The following SGK1 variants were observed in gnomAD, a reference collection of about 807,000 sequenced individuals.
SGK1 encodes the protein serine/threonine-protein kinase Sgk1.
Under a neutral mutation model 64.2 loss-of-function variants are expected in SGK1, and 26 were observed. The observed-to-expected ratio is 0.40, with a 90% CI of 0.30 to 0.56. SGK1 has a LOEUF of 0.56. Ranked by LOEUF, SGK1 falls within the 20% of genes least tolerant of loss-of-function variation. The probability of loss-of-function intolerance (pLI) is 0.38; values close to 1 mark genes in which losing one functional copy is unlikely to be tolerated. For synonymous variants in SGK1, 265 were observed against 239.7 expected (o/e 1.11, Z -0.98); for missense variants, 519 against 645.6 (o/e 0.80, Z 2.12).
At chr6:134,223,037 C>T (rs955292610) in intron 2 of SGK1, among the ~76,000 whole-genome samples, 15 of 152,222 alleles carry the variant, frequency 9.9e-5, no homozygotes, top group African/African-American at 3.6e-4. Context: ...CAGGCAAGAA[C>T]CCAAATATAG....
At chr6:134,198,724 C>CAATTTT (rs1775633140) in intron 3 of SGK1, among the ~76,000 whole-genome samples, 1 of 65,950 alleles carries the variant, frequency 1.5e-5, no homozygotes, top group East Asian at 2.9e-4. Flanking sequence ...TTCTCTTTTT[C>CAATTTT]TATTTTTTTT....
At chr6:134,196,605 G>A (rs1035475865) in intron 3 of SGK1, among the ~76,000 whole-genome samples, 6 of 152,152 alleles carry the variant, frequency 3.9e-5, no homozygotes, top group Non-Finnish European at 5.9e-5. Flanking sequence ...GTACACTACC[G>A]GGCAGTTTCC....
chr6:134,266,590 TG>T lies in SGK1; in HGVS notation c.70-4443del, dbSNP rs199769015. ...GAGATCATGGCACTGCATTCCAGCCTGGGTGAAAGAAGGAGACTCTGTCTCA... is the reference window on the plus strand; with the variant it reads ...GAGATCATGGCACTGCATTCCAGCCTGGTGAAAGAAGGAGACTCTGTCTCA... On this transcript the variant is annotated intron_variant, in intron 1 of 13. Coordinates refer to ENST00000367858, the MANE Select transcript of SGK1 (RefSeq NM_001143676.3). 8.7e-3 allele frequency among the ~76,000 whole-genome samples: 1,319 copies of T among 152,210 alleles called. 11 individuals are homozygous for T. The highest frequency in any genetic ancestry group is 0.014 in the Admixed American group (213 of 15,284).
chr6:134,262,541 A>G (rs896534168), intron 1 of SGK1, among the ~76,000 whole-genome samples: 2 of 151,206 alleles, frequency 1.3e-5, no homozygotes, highest in African/African-American at 4.9e-5. Context: ...ATGAAACCCC[A>G]TCTCTACTAA....
At chr6:134,274,920 CTCA>C (rs1289014745) in intron 1 of SGK1, among the ~76,000 whole-genome samples, 1 of 152,102 alleles carries the variant, frequency 6.6e-6, no homozygotes, top group Non-Finnish European at 1.5e-5. Context: ...AATCTTTCAC[CTCA>C]GCCTCCAAGT....
chr6:134,264,067 G>A (rs1449642204), intron 1 of SGK1, among the ~76,000 whole-genome samples: 2 of 151,842 alleles, frequency 1.3e-5, no homozygotes, highest in African/African-American at 2.4e-5. Context: ...GAGTAAAGGC[G>A]GGATCCAGGC....
In SGK1 at chr6:134,207,608, T is replaced by C. The variant is rs565756661; in HGVS notation, c.286-177A>G. The stretch of plus-strand genomic sequence containing the variant: ...GCTGGGTATAGCACTGAAAGTCCCA[T>C]ATCCTGGGAAGCCTTTTAGTCCTGG... On this transcript the variant is annotated intron_variant, in intron 2 of 13. Transcript: ENST00000367858. Among the ~76,000 whole-genome samples the C allele has an allele frequency of 3.0e-4, 45 of 152,302 alleles. No individual in the cohort carries two copies. In the South Asian group the frequency reaches 8.7e-3, roughly 29 times the overall value.
rs1775024511 is a variant in SGK1 at position 134,171,495 on chromosome 6, A to G, written c.1167+142T>C. The G allele has an allele frequency of 4.7e-6, 3 of 637,212 alleles. No homozygotes were observed. In the Admixed American group the frequency reaches 8.7e-5, roughly 19 times the overall value. 39.5% of individuals were successfully genotyped at this position (637,212 alleles called of 1,614,324 possible). A position where few individuals can be genotyped will look rare whatever the true frequency, so the allele number is the denominator to read the frequency against. Reference sequence around the variant, plus strand: ...ACCAGGTAAGTGATTATTCTTATGAACTATAAAATAACCAATATGCCTCTT... The same window carrying G: ...ACCAGGTAAGTGATTATTCTTATGAGCTATAAAATAACCAATATGCCTCTT... On this transcript the variant is annotated intron_variant, in intron 11 of 13. Coordinates refer to ENST00000367858, the MANE Select transcript of SGK1 (RefSeq NM_001143676.3).
At chr6:134,211,779 C>G (rs1775892698) in intron 2 of SGK1, among the ~76,000 whole-genome samples, 1 of 150,986 alleles carries the variant, frequency 6.6e-6, no homozygotes, top group South Asian at 2.1e-4. Flanking sequence ...AATATCCCTC[C>G]TACTGAATCA....
intron 2 of SGK1, among the ~76,000 whole-genome samples, chr6:134,224,168 A>G (rs1301412462): frequency 6.6e-6 from 1 of 152,230 alleles, no homozygotes; most frequent in Non-Finnish European, 1.5e-5. Flanking sequence ...CAGCTTTTAC[A>G]AAGTTTTGGA....
chr6:134,244,644 T>A (rs1776498200), intron 2 of SGK1, among the ~76,000 whole-genome samples: 1 of 152,164 alleles, frequency 6.6e-6, no homozygotes, highest in South Asian at 2.1e-4. Flanking sequence ...ATGGGCTGCA[T>A]CCACTGTCTA....
Position 134,299,961 on chromosome 6 carries a change from G to A in SGK1, c.69+17431C>T, listed in dbSNP as rs189155787. Among the ~76,000 whole-genome samples, 53 of 151,998 alleles carry A rather than the reference G, an allele frequency of 3.5e-4. 1 individual carries two copies. The East Asian group carries it at 9.9e-3, about 28-fold the overall frequency. On this transcript the variant is annotated intron_variant, in intron 1 of 13. Coordinates refer to ENST00000367858, the MANE Select transcript of SGK1 (RefSeq NM_001143676.3). ...AAAAAAAGAAAGTAAGTCAAAAAGA[G>A]AGAGAGAAAAAAAACACACAGCAGA...
At chr6:134,217,638 T>G (rs1776008051) in intron 2 of SGK1, among the ~76,000 whole-genome samples, 1 of 152,212 alleles carries the variant, frequency 6.6e-6, no homozygotes, top group Admixed American at 6.5e-5. Flanking sequence ...GCCACGCTCA[T>G]AAAGATGATG....
chr6:134,188,000 G>A (rs1278924104), intron 3 of SGK1, among the ~76,000 whole-genome samples: 1 of 152,166 alleles, frequency 6.6e-6, no homozygotes, highest in Non-Finnish European at 1.5e-5. Flanking sequence ...AGCCAGGTTG[G>A]CCTTAGTGAG....
intron 2 of SGK1, among the ~76,000 whole-genome samples, chr6:134,232,411 A>AAGAAAAGAAAGAAAGAGAGAG (rs771204086): frequency 0.16 from 4,661 of 29,338 alleles, 655 homozygotes; most frequent in Middle Eastern, 0.21. Context: ...AAAAGAAAGA[A>AAGAAAAGAAAGAAAGAGAGAG]AGAGAAAGAA....
intron 2 of SGK1, among the ~76,000 whole-genome samples, chr6:134,222,593 C>T (rs577966472): frequency 4.6e-5 from 7 of 152,254 alleles, no homozygotes; most frequent in South Asian, 4.1e-4. Context: ...ACCTCATCCT[C>T]GCAAAGTGCT....
intron 3 of SGK1, among the ~76,000 whole-genome samples, chr6:134,193,734 A>G (rs1204677468): frequency 7.5e-6 from 1 of 133,842 alleles, no homozygotes; most frequent in African/African-American, 2.8e-5. Context: ...TGCCTAAGCT[A>G]GCCTTGCTCT....
intron 3 of SGK1, 136 bp from the exon 4 acceptor site, chr6:134,174,722 C>G: frequency 6.2e-7 from 1 of 1,614,164 alleles, no homozygotes; most frequent in Non-Finnish European, 8.5e-7. Flanking sequence ...CGCAAGATTC[C>G]TGCACTCACC....
chr6:134,179,494 C>CTTTT (rs5880206), intron 3 of SGK1, among the ~76,000 whole-genome samples: 18 of 128,280 alleles, frequency 1.4e-4, no homozygotes, highest in East Asian at 4.4e-4. Context: ...AAAGGCATGT[C>CTTTT]TTTTTTTTTT....
Sources: allele counts gnomAD v4.1 joint callset (sites outside exome capture counted in the v4.1 genomes callset), GRCh38; gene constraint gnomAD v4.1.1; transcripts MANE v1.5; gene names NCBI Gene and HGNC (gene_info 2026-07-23, HGNC 2026-07-21).